TNNI3K: variants seen among roughly 807,000 people sequenced by gnomAD.
TNNI3K encodes TNNI3 interacting kinase.
Under a neutral mutation model 114.5 loss-of-function variants are expected in TNNI3K, and 140 were observed. The ratio of observed to expected loss-of-function variants is 1.22; its 90% CI spans 1.07 to 1.41. The LOEUF is 1.41. Among genes scored for constraint, TNNI3K ranks in the 40% most tolerant of loss-of-function variants. The probability of loss-of-function intolerance (pLI) is 0.00; values close to 1 mark genes in which losing one functional copy is unlikely to be tolerated. For missense variants in TNNI3K, 1,125 were observed against 1,007.6 expected (o/e 1.12, Z -1.58); for synonymous variants, 347 against 347.5 (o/e 1.00, Z 0.02).
chr1:74,279,912 A>G (rs142478142), intron 5 of TNNI3K, among the ~76,000 whole-genome samples: 2 of 152,322 alleles, frequency 1.3e-5, no homozygotes, highest in African/African-American at 4.8e-5. Context: ...AAATAACCCA[A>G]TTGAAAAATG....
intron 5 of TNNI3K, among the ~76,000 whole-genome samples, chr1:74,289,138 G>C (rs1014928203): frequency 3.3e-5 from 5 of 151,886 alleles, no homozygotes; most frequent in African/African-American, 1.2e-4. Flanking sequence ...AGCTAAATTA[G>C]TCAAAGTGCT....
rs563309175 is a variant in TNNI3K at position 74,242,362 on chromosome 1, C to G, written c.149+6152C>G. Among the ~76,000 whole-genome samples the G allele has an allele frequency of 4.6e-5, 7 of 152,208 alleles. No homozygotes were observed. The South Asian group carries it at 1.2e-3, about 27-fold the overall frequency. On this transcript the variant is annotated intron_variant, in intron 2 of 24. Transcript: ENST00000326637. ...ATAAAAAAATGTTTTCTGAGATACA[C>G]CTTTTTGTACCTTTTCTCTCTGAAA...
intron 21 of TNNI3K, among the ~76,000 whole-genome samples, chr1:74,484,135 C>T (rs1177766118): frequency 1.3e-5 from 2 of 150,822 alleles, no homozygotes; most frequent in South Asian, 2.1e-4. Context: ...TTCTCAACCC[C>T]CCAGTGAAAT....
chr1:74,310,451 C>G (rs889441055), intron 5 of TNNI3K, among the ~76,000 whole-genome samples: 2 of 151,990 alleles, frequency 1.3e-5, no homozygotes, highest in African/African-American at 4.8e-5. Context: ...TCATTTTTCA[C>G]AGAAGTAGAA....
intron 17 of TNNI3K, among the ~76,000 whole-genome samples, chr1:74,411,328 G>A (rs754935823): frequency 2.0e-5 from 3 of 152,144 alleles, no homozygotes; most frequent in Admixed American, 6.5e-5. Flanking sequence ...GATACACTGA[G>A]ATACAACCTT....
chr1:74,384,902 C>G (rs1283892174), intron 17 of TNNI3K, among the ~76,000 whole-genome samples: 4 of 152,126 alleles, frequency 2.6e-5, no homozygotes, highest in Non-Finnish European at 5.9e-5. Context: ...AAGTTGGTCT[C>G]TGATAAGGAT....
At chr1:74,287,902 A>T (rs1657431880) in intron 5 of TNNI3K, among the ~76,000 whole-genome samples, 1 of 152,184 alleles carries the variant, frequency 6.6e-6, no homozygotes, top group Non-Finnish European at 1.5e-5. Context: ...GACAACAAAT[A>T]TTCCAATCTA....
chr1:74,493,213 G>C (rs1281681979), intron 23 of TNNI3K, among the ~76,000 whole-genome samples: 1 of 152,162 alleles, frequency 6.6e-6, no homozygotes, highest in Non-Finnish European at 1.5e-5. Flanking sequence ...AGGGAGGAGG[G>C]AGAAATTGGG....
At position 74,432,715 on chromosome 1, in the gene TNNI3K, T is replaced by C. The variant is rs575603462; in HGVS notation, c.1773-3365T>C. On this transcript the variant is annotated intron_variant, in intron 17 of 24. Coordinates refer to ENST00000326637, the MANE Select transcript of TNNI3K (RefSeq NM_015978.3). The stretch of plus-strand genomic sequence containing the variant: ...GTCTCATTACCTTACAGTAACATAT[T>C]GAAAACAGGTATTTTGGGCACTAGC... Among the ~76,000 whole-genome samples the C allele has an allele frequency of 8.5e-5, 13 of 152,166 alleles. No individual in the cohort carries two copies. In the South Asian group the frequency reaches 2.3e-3, roughly 27 times the overall value.
chr1:74,386,666 A>G (rs1394726848), intron 17 of TNNI3K, among the ~76,000 whole-genome samples: 1 of 152,172 alleles, frequency 6.6e-6, no homozygotes, highest in African/African-American at 2.4e-5. Flanking sequence ...TATATATCAA[A>G]TAACTGGTCT....
At chr1:74,366,766 G>C (rs1035186333) in intron 11 of TNNI3K, 3 of 152,004 alleles carry the variant, frequency 2.0e-5, no homozygotes, top group African/African-American at 7.2e-5. Flanking sequence ...GCAGCCAGCT[G>C]TCTCTAAAAA....
At chr1:74,293,857 AT>A (rs929550011) in intron 5 of TNNI3K, among the ~76,000 whole-genome samples, 1 of 151,680 alleles carries the variant, frequency 6.6e-6, no homozygotes, top group African/African-American at 2.4e-5. Flanking sequence ...CACATTAAGA[AT>A]TTTTTCCTTC....
Position 74,328,934 on chromosome 1 carries a change from G to A in TNNI3K, c.445-2516G>A, listed in dbSNP as rs1316983117. On this transcript the variant is annotated intron_variant, in intron 5 of 24. Transcript: ENST00000326637. Reference sequence around the variant, plus strand: ...GCTTAATCTACCTTGATTGCTAGGGGCCTCCTTCAAAGGTTCCTGAGATTC... The same window carrying A: ...GCTTAATCTACCTTGATTGCTAGGGACCTCCTTCAAAGGTTCCTGAGATTC... Among the ~76,000 whole-genome samples the A allele has an allele frequency of 3.3e-5, 5 of 152,028 alleles. No homozygotes were observed. The East Asian group carries it at 5.8e-4, about 18-fold the overall frequency.
At chr1:74,539,243 C>T (rs950994126) in intron 23 of TNNI3K, among the ~76,000 whole-genome samples, 1 of 152,096 alleles carries the variant, frequency 6.6e-6, no homozygotes, top group Admixed American at 6.6e-5. Flanking sequence ...CCAAGGAGGA[C>T]TCCAATAATT....
At chr1:74,449,643 C>G (rs997737855) in intron 20 of TNNI3K, among the ~76,000 whole-genome samples, 8 of 151,414 alleles carry the variant, frequency 5.3e-5, no homozygotes, top group Non-Finnish European at 8.8e-5. Flanking sequence ...CAACAAAGAT[C>G]AAAAGAGACA....
intron 22 of TNNI3K, 149 bp downstream of exon 22, chr1:74,489,397 G>A (rs1057479547): frequency 5.2e-6 from 4 of 764,202 alleles, no homozygotes; most frequent in Non-Finnish European, 7.9e-6. Flanking sequence ...AATTCCTATG[G>A]TGGAGCAGAA....
chr1:74,505,865 C>T (rs558467877), intron 23 of TNNI3K, among the ~76,000 whole-genome samples: 62 of 152,282 alleles, frequency 4.1e-4, no homozygotes, highest in African/African-American at 1.4e-3. Context: ...ATTAGCTGAA[C>T]ATTTTTTATT....
At position 74,422,382 on chromosome 1, in the gene TNNI3K, G is replaced by T. The variant is rs181264029; in HGVS notation, c.1773-13698G>T. 6.6e-5 allele frequency among the ~76,000 whole-genome samples: 10 copies of T among 152,090 alleles called. 1 individual carries two copies. In the East Asian group the frequency reaches 1.9e-3, roughly 29 times the overall value. ...AAAAAACACTATATGTCAGGTTTAT[G>T]CTAGAGGATTTTTTCCACAAGTATT... On this transcript the variant is annotated intron_variant, in intron 17 of 24. Coordinates refer to ENST00000326637, the MANE Select transcript of TNNI3K (RefSeq NM_015978.3).
intron 17 of TNNI3K, chr1:74,401,931 G>A (rs768281380): frequency 8.9e-6 from 4 of 448,660 alleles, no homozygotes; most frequent in African/African-American, 6.0e-5. Context: ...AATTTCAGGT[G>A]TATGCTTACT....
Sources: allele counts gnomAD v4.1 joint callset (sites outside exome capture counted in the v4.1 genomes callset), GRCh38; gene constraint gnomAD v4.1.1; transcripts MANE v1.5; gene names NCBI Gene and HGNC (gene_info 2026-07-23, HGNC 2026-07-21).